The following SND1 variants were observed in gnomAD, a reference collection of about 807,000 sequenced individuals.
SND1 encodes the protein staphylococcal nuclease domain-containing protein 1.
SND1 carries 38 observed loss-of-function variants against 121.7 expected under a neutral mutation model. The ratio of observed to expected loss-of-function variants is 0.31; its 90% CI spans 0.24 to 0.41. SND1 has a LOEUF of 0.41. SND1 is among the 10% of genes least tolerant of loss of function. SND1 has a pLI of 1.00. For synonymous variants in SND1, 401 were observed against 447.4 expected (o/e 0.90, Z 1.31); for missense variants, 868 against 1,184.6 (o/e 0.73, Z 3.92).
intron 16 of SND1, among the ~76,000 whole-genome samples, chr7:128,038,863 C>T (rs1792799684): frequency 6.6e-6 from 1 of 152,190 alleles, no homozygotes; most frequent in South Asian, 2.1e-4. Flanking sequence ...CACTTGCCCT[C>T]TACAGTCTCT....
At chr7:127,895,223 C>A (rs1042178953) in intron 13 of SND1, among the ~76,000 whole-genome samples, 2 of 152,038 alleles carry the variant, frequency 1.3e-5, no homozygotes, top group African/African-American at 2.4e-5. Context: ...AGGGAAAATT[C>A]TTTTTGAATA....
rs1240695868 is a variant in SND1, at chr7:127,909,138, G to T, written c.1527+4319G>T. 2.0e-5 allele frequency among the ~76,000 whole-genome samples: 3 copies of T among 152,160 alleles called. No individual in the cohort carries two copies. The South Asian group carries it at 6.2e-4, about 32-fold the overall frequency. ...CTGTCCTCTGTGCATGAGGAGTTAC[G>T]ATGTTTGTTTGATGGTACAAGAAGA... On this transcript the variant is annotated intron_variant, in intron 14 of 23. Coordinates refer to ENST00000354725, the MANE Select transcript of SND1 (RefSeq NM_014390.4).
intron 10 of SND1, among the ~76,000 whole-genome samples, chr7:127,804,851 C>T (rs911980157): frequency 9.2e-5 from 14 of 152,048 alleles, no homozygotes; most frequent in South Asian, 4.2e-4. Context: ...TCAAAATGTT[C>T]ACTTAGTCTT....
At chr7:128,030,054 A>G in intron 16 of SND1, 1 of 1,613,332 alleles carries the variant, frequency 6.2e-7, no homozygotes, top group Non-Finnish European at 8.5e-7. Flanking sequence ...CTTGAGGTTG[A>G]ACAGCCCCTC....
chr7:127,686,484 A>T, intron 1 of SND1, 129 bp from the exon 2 acceptor site: 1 of 956,014 alleles, frequency 1.0e-6, no homozygotes, highest in Non-Finnish European at 1.5e-6. Context: ...TTAGTCATTC[A>T]ACAGATGACT....
chr7:128,057,294 G>T (rs981927601), intron 16 of SND1, among the ~76,000 whole-genome samples: 5 of 152,194 alleles, frequency 3.3e-5, no homozygotes, highest in Non-Finnish European at 7.3e-5. Flanking sequence ...TTAGACATCT[G>T]CCCAGCCAAG....
intron 12 of SND1, chr7:127,858,184 C>T: frequency 1.3e-6 from 1 of 797,274 alleles, no homozygotes; most frequent in Non-Finnish European, 2.3e-6. Context: ...ACCCCAAACC[C>T]TTCAGCCGCA....
Position 128,029,544 on chromosome 7 carries a change from T to G in SND1, c.1779+38488T>G. 2.5e-6 allele frequency: 4 copies of G among 1,613,894 alleles called. No individual in the cohort carries two copies. The highest frequency in any genetic ancestry group is 3.4e-6 in the Non-Finnish European group (4 of 1,179,996). ...ACACTTAAGTTCTGCCATCCGACCC[T>G]CAGAAATGTTGAGGTCTCGAGGTGC... On this transcript the variant is annotated intron_variant, in intron 16 of 23. Transcript: ENST00000354725. This position sits in a 1 kb window ranked among gnomAD's most constrained non-coding sequence, Gnocchi z 4.2.
At chr7:127,831,174 G>A (rs775100700) in intron 11 of SND1, among the ~76,000 whole-genome samples, 14 of 152,232 alleles carry the variant, frequency 9.2e-5, no homozygotes, top group Non-Finnish European at 1.5e-4. Context: ...CTACTCTGCT[G>A]ATGAGAAACA....
At chr7:127,929,494 C>T (rs995682190) in intron 15 of SND1, among the ~76,000 whole-genome samples, 165 bp downstream of exon 15, 2 of 152,184 alleles carry the variant, frequency 1.3e-5, no homozygotes, top group African/African-American at 4.8e-5. Flanking sequence ...TCCTCCTGTG[C>T]CTGCAGACCC....
intron 11 of SND1, among the ~76,000 whole-genome samples, chr7:127,825,201 C>A (rs540276131): frequency 9.9e-5 from 15 of 152,268 alleles, no homozygotes; most frequent in Admixed American, 2.0e-4. Context: ...ATCTCCGCCT[C>A]CCGGGTTCAA....
chr7:127,709,298 A>G (rs2116359331), intron 9 of SND1, among the ~76,000 whole-genome samples: 1 of 152,312 alleles, frequency 6.6e-6, no homozygotes, highest in African/African-American at 2.4e-5. Flanking sequence ...CTACAGAATG[A>G]AAGGATGATT....
At chr7:127,713,999 C>T (rs994995147) in intron 9 of SND1, among the ~76,000 whole-genome samples, 1 of 152,012 alleles carries the variant, frequency 6.6e-6, no homozygotes, top group Non-Finnish European at 1.5e-5. Context: ...ATATGGTCCC[C>T]TGAGCACGTG....
intron 21 of SND1, among the ~76,000 whole-genome samples, chr7:128,089,119 A>G (rs1793733287): frequency 6.6e-6 from 1 of 152,032 alleles, no homozygotes; most frequent in Non-Finnish European, 1.5e-5. Flanking sequence ...CAGTGGCGCA[A>G]TATTGGCTCA....
intron 12 of SND1, among the ~76,000 whole-genome samples, chr7:127,867,584 A>G (rs1199869371): frequency 6.6e-6 from 1 of 152,060 alleles, no homozygotes; most frequent in Non-Finnish European, 1.5e-5. Context: ...TGTCGTCTTT[A>G]TCTCCTCCTA....
At chr7:127,707,804 T>A (rs1247775544) in intron 9 of SND1, among the ~76,000 whole-genome samples, 157 bp downstream of exon 9, 1 of 151,452 alleles carries the variant, frequency 6.6e-6, no homozygotes, top group Non-Finnish European at 1.5e-5. Context: ...TGTGTGTGTG[T>A]GTGTGTGTTT....
intron 16 of SND1, among the ~76,000 whole-genome samples, chr7:128,013,344 C>T (rs956482143): frequency 2.0e-5 from 3 of 152,246 alleles, no homozygotes; most frequent in Non-Finnish European, 2.9e-5. Flanking sequence ...TCTTTCATCT[C>T]CATCGTTCCC....
chr7:128,079,857 AC>A (rs1793567551), intron 17 of SND1, among the ~76,000 whole-genome samples: 1 of 151,700 alleles, frequency 6.6e-6, no homozygotes, highest in Non-Finnish European at 1.5e-5. Flanking sequence ...CTCCCTCCCC[AC>A]CCCCCACCAA....
intron 16 of SND1, among the ~76,000 whole-genome samples, chr7:128,068,707 CT>C (rs780131128): frequency 1.5e-4 from 23 of 152,296 alleles, no homozygotes; most frequent in Non-Finnish European, 3.2e-4. Flanking sequence ...CTCTTCTTTT[CT>C]CCTCCCCCTT....
Sources: allele counts gnomAD v4.1 joint callset (sites outside exome capture counted in the v4.1 genomes callset), GRCh38; gene constraint gnomAD v4.1.1; non-coding constraint Gnocchi (gnomAD v3.1); transcripts MANE v1.5; gene names NCBI Gene and HGNC (gene_info 2026-07-23, HGNC 2026-07-21).